The following MMP16 variants were observed in gnomAD, a reference collection of about 807,000 sequenced individuals.
The protein encoded by MMP16 is matrix metalloproteinase-16.
Under a neutral mutation model 67.8 loss-of-function variants are expected in MMP16, and 12 were observed. That is an observed-to-expected ratio of 0.18 (90% confidence interval 0.11 to 0.29). The LOEUF (loss-of-function observed/expected upper bound fraction) is 0.29. MMP16 is among the 10% of genes least tolerant of loss of function. MMP16 has a pLI of 1.00. For synonymous variants in MMP16, 249 were observed against 255.9 expected (o/e 0.97, Z 0.26); for missense variants, 475 against 765.7 (o/e 0.62, Z 4.48).
At chr8:88,270,499 A>C (rs2129971045) in intron 1 of MMP16, among the ~76,000 whole-genome samples, 1 of 152,348 alleles carries the variant, frequency 6.6e-6, no homozygotes, top group East Asian at 1.9e-4. Context: ...AGTTTACAAA[A>C]ATATTCACAG....
rs750756275 is a variant in MMP16, at chr8:88,237,678, CA to C, written c.133-40373del. 2.2e-3 allele frequency among the ~76,000 whole-genome samples: 33 copies of C among 15,344 alleles called. 1 individual carries two copies. Among genetic ancestry groups the C allele is most frequent in the South Asian group, 5.0e-3 (1 of 202 alleles). 10.1% of individuals were successfully genotyped at this position (15,344 alleles called of 152,430 possible). ...AACAGAACAACAACAACAACAACAA[CA>C]ACAAAAAACAACTGCATCTTGGGTA... On this transcript the variant is annotated intron_variant, in intron 1 of 9. Coordinates refer to ENST00000286614, the MANE Select transcript of MMP16 (RefSeq NM_005941.5).
chr8:88,119,004 G>T (rs2118436628), intron 4 of MMP16, 143 bp from the exon 5 acceptor site: 1 of 798,080 alleles, frequency 1.3e-6, no homozygotes, highest in Non-Finnish European at 1.9e-6. Flanking sequence ...TTCATCACTG[G>T]CTTTCCTACT....
intron 1 of MMP16, among the ~76,000 whole-genome samples, chr8:88,218,735 T>C (rs1303737058): frequency 6.6e-6 from 1 of 152,020 alleles, no homozygotes; most frequent in African/African-American, 2.4e-5. Context: ...TTCCAGAATA[T>C]TGACAAAATG....
chr8:88,218,352 AT>A (rs1440181961), intron 1 of MMP16, among the ~76,000 whole-genome samples: 1 of 152,050 alleles, frequency 6.6e-6, no homozygotes, highest in Non-Finnish European at 1.5e-5. Flanking sequence ...AAATTGAAGG[AT>A]TTCAATTAAA....
At chr8:88,219,842 G>A (rs1270210427) in intron 1 of MMP16, among the ~76,000 whole-genome samples, 5 of 152,002 alleles carry the variant, frequency 3.3e-5, no homozygotes, top group Non-Finnish European at 7.4e-5. Flanking sequence ...TTGAATTTTT[G>A]AGTTGAATTT....
At chr8:88,259,243 G>A (rs1314291468) in intron 1 of MMP16, among the ~76,000 whole-genome samples, 1 of 152,106 alleles carries the variant, frequency 6.6e-6, no homozygotes, top group African/African-American at 2.4e-5. Flanking sequence ...TTTCTATCAT[G>A]CCAAAGTCAC....
intron 1 of MMP16, among the ~76,000 whole-genome samples, chr8:88,253,451 T>C (rs1810256230): frequency 6.6e-6 from 1 of 152,066 alleles, no homozygotes. Context: ...ATGTTAACAG[T>C]ATGTACCTCG....
At chr8:88,047,305 G>A (rs767196068) in intron 8 of MMP16, among the ~76,000 whole-genome samples, 66 of 152,096 alleles carry the variant, frequency 4.3e-4, no homozygotes, top group Admixed American at 9.2e-4. Flanking sequence ...GAGATACAAC[G>A]TTGGACAACA....
chr8:88,306,419 C>A (rs889614404), intron 1 of MMP16, among the ~76,000 whole-genome samples: 1 of 152,150 alleles, frequency 6.6e-6, no homozygotes, highest in African/African-American at 2.4e-5. Flanking sequence ...GGGACACTTT[C>A]CTAGCTCATT....
chr8:88,231,637 C>A (rs973947589), intron 1 of MMP16, among the ~76,000 whole-genome samples: 2 of 152,168 alleles, frequency 1.3e-5, no homozygotes, highest in Admixed American at 6.5e-5. Flanking sequence ...ACCTAGGTGA[C>A]CAGCTTGTAA....
At chr8:88,247,448 C>T (rs1050502624) in intron 1 of MMP16, among the ~76,000 whole-genome samples, 18 of 152,046 alleles carry the variant, frequency 1.2e-4, no homozygotes, top group African/African-American at 4.1e-4. Context: ...ATGGAGGAAA[C>T]ACGTGGCACG....
chr8:88,227,954 A>T (rs1809796545), intron 1 of MMP16, among the ~76,000 whole-genome samples: 1 of 152,120 alleles, frequency 6.6e-6, no homozygotes, highest in South Asian at 2.1e-4. Context: ...GGAAAGCTGC[A>T]GAACCACAAT....
At chr8:88,304,925 A>G (rs1218540924) in intron 1 of MMP16, among the ~76,000 whole-genome samples, 1 of 152,218 alleles carries the variant, frequency 6.6e-6, no homozygotes, top group African/African-American at 2.4e-5. Flanking sequence ...TCATAATGAC[A>G]GGATCAAATT....
At chr8:88,251,670 G>A (rs1368515075) in intron 1 of MMP16, among the ~76,000 whole-genome samples, 2 of 140,824 alleles carry the variant, frequency 1.4e-5, no homozygotes, top group East Asian at 2.1e-4. Context: ...AAGAGCTTCT[G>A]CACAGCAAAA....
intron 1 of MMP16, among the ~76,000 whole-genome samples, chr8:88,320,859 C>A (rs1196792965): frequency 1.3e-5 from 2 of 152,096 alleles, no homozygotes; most frequent in African/African-American, 2.4e-5. Context: ...TGTGGCTCAT[C>A]AAGCTATGCC....
intron 1 of MMP16, among the ~76,000 whole-genome samples, chr8:88,224,167 A>G (rs1203082333): frequency 6.6e-6 from 1 of 152,090 alleles, no homozygotes; most frequent in African/African-American, 2.4e-5. Context: ...TGTTGGTTCT[A>G]TGTAACAAAT....
chr8:88,256,674 T>TCC (rs1367773660), intron 1 of MMP16, among the ~76,000 whole-genome samples: 6 of 147,852 alleles, frequency 4.1e-5, no homozygotes, highest in African/African-American at 1.2e-4. Flanking sequence ...TCTCTCTCTC[T>TCC]CTCTCTCTCT....
chr8:88,301,254 T>C (rs1811094276), intron 1 of MMP16, among the ~76,000 whole-genome samples: 2 of 152,148 alleles, frequency 1.3e-5, no homozygotes, highest in South Asian at 4.1e-4. Flanking sequence ...CTCAGCCTTC[T>C]CTCGTTCCCT....
At chr8:88,164,514 T>C (rs1346034049) in intron 4 of MMP16, among the ~76,000 whole-genome samples, 2 of 152,048 alleles carry the variant, frequency 1.3e-5, no homozygotes, top group Non-Finnish European at 2.9e-5. Flanking sequence ...TGCCCTGCTG[T>C]TGCTGGTTAA....
Sources: gnomAD v4.1 joint callset for allele counts (sites outside exome capture counted in the v4.1 genomes callset) on GRCh38, gnomAD v4.1.1 for gene constraint, MANE v1.5 for transcripts, NCBI Gene and HGNC (gene_info 2026-07-23, HGNC 2026-07-21) for gene names.